Variants in ZNF143 observed in about 807,000 individuals in gnomAD.
ZNF143 encodes the protein zinc finger protein 143, also known as SPH-binding factor.
Under a neutral mutation model 74.1 loss-of-function variants are expected in ZNF143, and 49 were observed. The observed-to-expected ratio is 0.66, with a 90% confidence interval of 0.53 to 0.84. The LOEUF is 0.84. Ranked by LOEUF, ZNF143 falls within the 40% of genes least tolerant of loss-of-function variation. The probability of loss-of-function intolerance (pLI) is 0.00; values close to 1 mark genes in which losing one functional copy is unlikely to be tolerated. For synonymous variants in ZNF143, 304 were observed against 282.8 expected, an observed-to-expected ratio of 1.07 and a Z score of -0.75; for missense variants, 637 against 793.4, an observed-to-expected ratio of 0.80 and a Z score of 2.37.
intron 10 of ZNF143, among the ~76,000 whole-genome samples, chr11:9,498,076 C>G (rs775062207): frequency 3.9e-5 from 6 of 152,158 alleles, no homozygotes; most frequent in African/African-American, 1.4e-4. Context: ...GTGATCCGCC[C>G]GCCTCTGCCT....
At chr11:9,490,349 G>T (rs1847726410) in intron 7 of ZNF143, among the ~76,000 whole-genome samples, 1 of 147,014 alleles carries the variant, frequency 6.8e-6, no homozygotes, top group African/African-American at 2.5e-5. Flanking sequence ...GGTGGCAGTG[G>T]CACAATCTTG....
At position 9,525,157 on chromosome 11, in the gene ZNF143, A is replaced by C. The variant is rs1314113530; in HGVS notation, c.1687-83A>C. 32 of 1,504,396 alleles carry C rather than the reference A, an allele frequency of 2.1e-5. 1 individual carries two copies. In the East Asian group the frequency reaches 7.3e-4, roughly 34 times the overall value. 93.2% of individuals were successfully genotyped at this position (1,504,396 alleles called of 1,614,324 possible). On this transcript the variant is annotated intron_variant, in intron 14 of 15. Coordinates refer to ENST00000396602, the MANE Select transcript of ZNF143 (RefSeq NM_003442.6). ...AGTTTTTCCTTTTCAATTTGAAGAAATCCATTGTATTAAGTGGACTTTAAC... is the reference window on the plus strand; with the variant it reads ...AGTTTTTCCTTTTCAATTTGAAGAACTCCATTGTATTAAGTGGACTTTAAC...
chr11:9,497,596 A>G, intron 9 of ZNF143, 79 bp from the exon 10 acceptor site: 1 of 1,141,594 alleles, frequency 8.8e-7, no homozygotes, highest in East Asian at 2.6e-5. Context: ...TATTGACTAT[A>G]TTTTTCAGTA....
intron 8 of ZNF143, among the ~76,000 whole-genome samples, chr11:9,495,698 C>T (rs1182833784): frequency 1.3e-5 from 2 of 152,186 alleles, no homozygotes; most frequent in African/African-American, 4.8e-5. Context: ...AGTTATCTCC[C>T]TCTCAGAGTG....
chr11:9,503,136 A>C (rs1265440337), intron 11 of ZNF143, among the ~76,000 whole-genome samples: 5 of 152,110 alleles, frequency 3.3e-5, no homozygotes, highest in Non-Finnish European at 7.4e-5. Context: ...TAGCCTGCAT[A>C]ATGTTTTTGA....
intron 14 of ZNF143, among the ~76,000 whole-genome samples, chr11:9,523,087 A>C (rs1190003420): frequency 1.3e-5 from 2 of 152,114 alleles, no homozygotes; most frequent in East Asian, 3.9e-4. Context: ...GTAATTTTTA[A>C]ATTGCATTCT....
chr11:9,495,502 C>T (rs1847928612), intron 8 of ZNF143, among the ~76,000 whole-genome samples: 1 of 152,174 alleles, frequency 6.6e-6, no homozygotes, highest in Non-Finnish European at 1.5e-5. Flanking sequence ...CTATACATAA[C>T]AGAACATACC....
chr11:9,489,573 A>C (rs1847692204), intron 7 of ZNF143, among the ~76,000 whole-genome samples: 1 of 152,214 alleles, frequency 6.6e-6, no homozygotes, highest in South Asian at 2.1e-4. Flanking sequence ...GTTTCATACC[A>C]GAATCGAAGC....
At chr11:9,469,051 T>G in intron 1 of ZNF143, among the ~76,000 whole-genome samples, 1 of 151,652 alleles carries the variant, frequency 6.6e-6, no homozygotes, top group East Asian at 1.9e-4. Flanking sequence ...TGAGAATCAC[T>G]TGAACCTGGG....
chr11:9,494,148 T>A (rs1479001955), intron 7 of ZNF143, among the ~76,000 whole-genome samples: 2 of 152,176 alleles, frequency 1.3e-5, no homozygotes, highest in South Asian at 4.1e-4. Context: ...TACTGTACTT[T>A]CAGAGTCACT....
chr11:9,471,337 C>T lies in ZNF143; in HGVS notation c.29C>T (p.Ser10Phe). 1 of 1,612,230 alleles carries T rather than the reference C, an allele frequency of 6.2e-7. No homozygotes were observed. The highest frequency in any genetic ancestry group is 8.5e-7 in the Non-Finnish European group (1 of 1,179,384). ...TTGTTAGCCCAAATAAATCGAGATTCTCAGGGAATGACAGAGTTTCCTGGA... is the reference window on the plus strand; with the variant it reads ...TTGTTAGCCCAAATAAATCGAGATTTTCAGGGAATGACAGAGTTTCCTGGA... MLLAQINRD[S>F]QGMTEFPGGG... is the part of the protein sequence containing the mutation. The change falls in exon 2 of 16, where the codon TCT (serine) becomes TTT (phenylalanine). Residue 10 changes from serine to phenylalanine, a missense_variant. Transcript: ENST00000396602.
At chr11:9,478,735 C>T in intron 6 of ZNF143, 149 bp downstream of exon 6, 2 of 805,146 alleles carry the variant, frequency 2.5e-6, no homozygotes, top group Non-Finnish European at 3.8e-6. Context: ...TATAACTTCC[C>T]AGCACTTTGG....
At chr11:9,523,482 C>G (rs146635585) in intron 14 of ZNF143, among the ~76,000 whole-genome samples, 1 of 152,062 alleles carries the variant, frequency 6.6e-6, no homozygotes, top group African/African-American at 2.4e-5. Context: ...GCCTGTAATC[C>G]CAGCACTTTG....
chr11:9,468,801 C>T (rs1484617172), intron 1 of ZNF143, among the ~76,000 whole-genome samples: 1 of 152,068 alleles, frequency 6.6e-6, no homozygotes, highest in Non-Finnish European at 1.5e-5. Flanking sequence ...CCTGCCACTG[C>T]AGTCCAGCCT....
chr11:9,526,294 C>T (rs1442282354), intron 15 of ZNF143, among the ~76,000 whole-genome samples: 1 of 151,888 alleles, frequency 6.6e-6, no homozygotes, highest in African/African-American at 2.4e-5. Context: ...GTTGAGGCTG[C>T]AGTGAGCCAA....
chr11:9,496,629 C>G (rs906406240), intron 9 of ZNF143, among the ~76,000 whole-genome samples: 1 of 151,496 alleles, frequency 6.6e-6, no homozygotes, highest in Non-Finnish European at 1.5e-5. Context: ...GACAGTTTCA[C>G]TCTGTCACTC....
chr11:9,519,786 A>G (rs1225466378), intron 14 of ZNF143, among the ~76,000 whole-genome samples: 1 of 152,132 alleles, frequency 6.6e-6, no homozygotes, highest in Non-Finnish European at 1.5e-5. Context: ...TTACCTTTCT[A>G]TGATAGTACC....
chr11:9,506,428 A>G (rs781089603), intron 11 of ZNF143, among the ~76,000 whole-genome samples: 34 of 152,264 alleles, frequency 2.2e-4, no homozygotes, highest in Non-Finnish European at 4.8e-4. Context: ...AATAAGAGAG[A>G]TGCCTACATT....
chr11:9,504,321 A>G (rs913424957), intron 11 of ZNF143, among the ~76,000 whole-genome samples: 1 of 126,302 alleles, frequency 7.9e-6, no homozygotes, highest in African/African-American at 2.5e-5. Flanking sequence ...TGTCTATTCA[A>G]ATCCTTTGCC....
Sources: gnomAD v4.1 joint callset for allele counts (sites outside exome capture counted in the v4.1 genomes callset) on GRCh38, gnomAD v4.1.1 for gene constraint, MANE v1.5 for transcripts, NCBI Gene and HGNC (gene_info 2026-07-23, HGNC 2026-07-21) for gene names.